IGSF21: variants seen among roughly 807,000 people sequenced by gnomAD.
IGSF21 encodes the protein immunoglobulin superfamily member 21.
Under a neutral mutation model 46.8 loss-of-function variants are expected in IGSF21, and 28 were observed. The ratio of observed to expected loss-of-function variants is 0.60; its 90% CI spans 0.44 to 0.82. The LOEUF (loss-of-function observed/expected upper bound fraction) is 0.82, where lower values mean the gene tolerates loss of function less well. Among genes scored for constraint, IGSF21 ranks in the 40% least tolerant of loss-of-function variants. The pLI is 0.00. For missense variants in IGSF21, 624 were observed against 665.5 expected (o/e 0.94, Z 0.69); for synonymous variants, 284 against 273.6 (o/e 1.04, Z -0.38).
Position 18,278,808 on chromosome 1 carries a change from G to A in IGSF21, c.184-13058G>A, listed in dbSNP as rs577833014. 102 of 470,394 alleles carry A rather than the reference G, an allele frequency of 2.2e-4. 1 individual carries two copies. The highest frequency in any genetic ancestry group is 2.5e-4 in the Non-Finnish European group (56 of 226,856). 29.1% of individuals were successfully genotyped at this position (470,394 alleles called of 1,614,324 possible). A position where few individuals can be genotyped will look rare whatever the true frequency, so the allele number is the denominator to read the frequency against. On this transcript the variant is annotated intron_variant, in intron 2 of 9. Transcript: ENST00000251296. ...TTCGCTCAAGCAATCTGCCTGCCTCGGCCTCCAAAAGTGCTGGGATTACAG... is the reference window on the plus strand; with the variant it reads ...TTCGCTCAAGCAATCTGCCTGCCTCAGCCTCCAAAAGTGCTGGGATTACAG...
At chr1:18,297,463 T>C (rs994429313) in intron 3 of IGSF21, among the ~76,000 whole-genome samples, 1 of 152,182 alleles carries the variant, frequency 6.6e-6, no homozygotes, top group Non-Finnish European at 1.5e-5. Context: ...AGACCTGCTT[T>C]CGGGAGGTTT....
At chr1:18,215,201 G>T (rs191987867) in intron 1 of IGSF21, among the ~76,000 whole-genome samples, 1 of 152,318 alleles carries the variant, frequency 6.6e-6, no homozygotes, top group South Asian at 2.1e-4. Context: ...GACACAGAGC[G>T]AAACCATATC....
chr1:18,191,374 T>A (rs915994747), intron 1 of IGSF21, among the ~76,000 whole-genome samples: 13 of 152,282 alleles, frequency 8.5e-5, no homozygotes, highest in Non-Finnish European at 1.8e-4. Flanking sequence ...GATCAAAGGA[T>A]AAGCCTGCAT....
intron 1 of IGSF21, among the ~76,000 whole-genome samples, chr1:18,212,484 A>G (rs968320193): frequency 6.6e-6 from 1 of 152,188 alleles, no homozygotes; most frequent in Non-Finnish European, 1.5e-5. Flanking sequence ...CCTGAGAAAT[A>G]AGCGCCATGA....
intron 1 of IGSF21, among the ~76,000 whole-genome samples, chr1:18,225,085 T>TCTCTCACACACA: frequency 2.5e-4 from 13 of 51,614 alleles, no homozygotes; most frequent in African/African-American, 7.7e-4. Flanking sequence ...TCTCTCTCTC[T>TCTCTCACACACA]CACACACACA....
chr1:18,260,582 G>T (rs76156798), intron 2 of IGSF21, among the ~76,000 whole-genome samples: 1 of 152,220 alleles, frequency 6.6e-6, no homozygotes, highest in African/African-American at 2.4e-5. Context: ...GCAAATTAAG[G>T]TGTGAATTAT....
Position 18,322,898 on chromosome 1 carries a change from C to T in IGSF21, c.306-11994C>T, listed in dbSNP as rs766277045. ...GGAATGGGTGAAGGGGAGCGGGAAG[C>T]GATGGGCCAGGAAGTCAGGGGAAGG... On this transcript the variant is annotated intron_variant, in intron 3 of 9. Coordinates refer to ENST00000251296, the MANE Select transcript of IGSF21 (RefSeq NM_032880.5). The surrounding 1 kb of genome is among the most constrained non-coding windows in gnomAD (Gnocchi z 4.3). 3.9e-5 allele frequency among the ~76,000 whole-genome samples: 6 copies of T among 151,978 alleles called. No individual in the cohort carries two copies. Among genetic ancestry groups the T allele is most frequent in the East Asian group, 3.9e-4 (2 of 5,164 alleles).
intron 2 of IGSF21, among the ~76,000 whole-genome samples, chr1:18,252,709 A>C (rs1447795914): frequency 6.6e-6 from 1 of 152,072 alleles, no homozygotes; most frequent in Admixed American, 6.5e-5. Context: ...TGCCCACCCA[A>C]ATCTGTCTGC....
intron 2 of IGSF21, among the ~76,000 whole-genome samples, chr1:18,233,323 G>A (rs1295290007): frequency 6.6e-6 from 1 of 152,158 alleles, no homozygotes; most frequent in African/African-American, 2.4e-5. Context: ...ACCTCGCCAG[G>A]TGATCGTCCC....
intron 2 of IGSF21, among the ~76,000 whole-genome samples, chr1:18,249,656 G>T (rs2084818140): frequency 6.6e-6 from 1 of 152,190 alleles, no homozygotes; most frequent in African/African-American, 2.4e-5. Context: ...CTCTCTGGTT[G>T]GGGCCAGAGG....
At chr1:18,133,759 T>C (rs533769559) in intron 1 of IGSF21, among the ~76,000 whole-genome samples, 9 of 152,370 alleles carry the variant, frequency 5.9e-5, no homozygotes, top group African/African-American at 2.2e-4. Context: ...ATTGGACAAC[T>C]GCCGATCCCC....
intron 3 of IGSF21, among the ~76,000 whole-genome samples, chr1:18,327,031 A>G (rs1041820489): frequency 6.6e-6 from 1 of 152,200 alleles, no homozygotes; most frequent in Non-Finnish European, 1.5e-5. Flanking sequence ...GGCGAAGATT[A>G]AAAGAAAAGA....
At chr1:18,343,560 A>G (rs777677570) in intron 4 of IGSF21, among the ~76,000 whole-genome samples, 94 of 152,178 alleles carry the variant, frequency 6.2e-4, no homozygotes, top group Non-Finnish European at 9.4e-4. Flanking sequence ...CTCTTCTAGG[A>G]GTTTGTATAG....
intron 1 of IGSF21, among the ~76,000 whole-genome samples, chr1:18,183,029 C>T (rs1366129383): frequency 6.6e-6 from 1 of 152,196 alleles, no homozygotes; most frequent in Non-Finnish European, 1.5e-5. Flanking sequence ...TACAGGAAGC[C>T]ACCCTGCCCC....
chr1:18,282,954 G>A (rs957497235), intron 2 of IGSF21, among the ~76,000 whole-genome samples: 38 of 152,160 alleles, frequency 2.5e-4, no homozygotes, highest in African/African-American at 9.2e-4. Context: ...TCATCCCTAC[G>A]GATGCACAGA....
At chr1:18,168,778 C>G (rs1488202813) in intron 1 of IGSF21, among the ~76,000 whole-genome samples, 1 of 152,212 alleles carries the variant, frequency 6.6e-6, no homozygotes, top group East Asian at 1.9e-4. Context: ...TCATTTATAG[C>G]TGGAGAGACT....
rs200333133 is a variant in IGSF21 at position 18,377,398 on chromosome 1, C to T, written c.1300C>T (p.Pro434Ser). ...THTRLIVFENPNIPRGTEDSN... is the reference protein window; with the variant it reads ...THTRLIVFENSNIPRGTEDSN... ...TTTCTGTTTCTTTCCAACAGAAAAC[C>T]CAAATATCCCAAGAGGAACGGAGGA... The change falls in exon 9 of 10, where the codon CCA becomes TCA. Residue 434 changes from proline (P) to serine (S), a missense_variant. Coordinates refer to ENST00000251296, the MANE Select transcript of IGSF21 (RefSeq NM_032880.5). The T allele has an allele frequency of 1.1e-5, 17 of 1,613,664 alleles. No individual in the cohort carries two copies. Among genetic ancestry groups the T allele is most frequent in the Admixed American group, 3.3e-5 (2 of 60,032 alleles).
chr1:18,136,956 T>G lies in IGSF21; in HGVS notation c.70+28758T>G, dbSNP rs138630736. Among the ~76,000 whole-genome samples, 323 of 152,314 alleles carry G rather than the reference T, an allele frequency of 2.1e-3. 6 individuals carry two copies. The East Asian group carries it at 0.026, about 12-fold the overall frequency. ...ACTGAGCAGTGGTTTGTAGTTCTCC[T>G]TGAAGAGGTCCTTCACATCCCTTGT... On this transcript the variant is annotated intron_variant, in intron 1 of 9. Transcript: ENST00000251296.
intron 1 of IGSF21, among the ~76,000 whole-genome samples, chr1:18,205,330 T>C (rs947192853): frequency 6.6e-6 from 1 of 152,164 alleles, no homozygotes; most frequent in Non-Finnish European, 1.5e-5. Context: ...CAGAGAGAGA[T>C]GTCATTAAAG....
Sources: allele counts gnomAD v4.1 joint callset (sites outside exome capture counted in the v4.1 genomes callset), GRCh38; gene constraint gnomAD v4.1.1; non-coding constraint Gnocchi (gnomAD v3.1); transcripts MANE v1.5; gene names NCBI Gene and HGNC (gene_info 2026-07-23, HGNC 2026-07-21).